The following EPHA5 variants were observed in gnomAD, a reference collection of about 807,000 sequenced individuals.
EPHA5 encodes the protein ephrin type-A receptor 5.
A neutral mutation model predicts 105.0 loss-of-function variants in EPHA5; 60 were observed. The ratio of observed to expected loss-of-function variants is 0.57; its 90% confidence interval spans 0.46 to 0.71. The LOEUF (loss-of-function observed/expected upper bound fraction) is 0.71. EPHA5 is among the 30% of genes least tolerant of loss of function. The pLI is 0.00. For missense variants in EPHA5, 1,218 were observed against 1,274.7 expected (o/e 0.96, Z 0.68); for synonymous variants, 513 against 449.1 (o/e 1.14, Z -1.80).
At chr4:65,496,363 A>G (rs1412663867) in intron 3 of EPHA5, among the ~76,000 whole-genome samples, 6 of 141,974 alleles carry the variant, frequency 4.2e-5, no homozygotes, top group Admixed American at 7.0e-5. Context: ...ATATCTCCCA[A>G]TGCTATCCCT....
intron 3 of EPHA5, among the ~76,000 whole-genome samples, chr4:65,516,997 A>G (rs983672946): frequency 6.6e-6 from 1 of 152,136 alleles, no homozygotes; most frequent in African/African-American, 2.4e-5. Context: ...GGCTTATAAT[A>G]TTGCTCAGAT....
At chr4:65,527,047 C>G (rs2149292810) in intron 3 of EPHA5, among the ~76,000 whole-genome samples, 1 of 152,004 alleles carries the variant, frequency 6.6e-6, no homozygotes, top group East Asian at 1.9e-4. Flanking sequence ...ATTCATATTG[C>G]CCAGTGTTTG....
intron 5 of EPHA5, among the ~76,000 whole-genome samples, chr4:65,435,891 A>G (rs1465795029): frequency 6.6e-6 from 1 of 152,106 alleles, no homozygotes; most frequent in Non-Finnish European, 1.5e-5. Context: ...CTCCAATTAA[A>G]TACCTGCATT....
At chr4:65,385,323 A>G (rs1719977441) in intron 8 of EPHA5, among the ~76,000 whole-genome samples, 1 of 151,932 alleles carries the variant, frequency 6.6e-6, no homozygotes, top group Non-Finnish European at 1.5e-5. Flanking sequence ...CACATCTATC[A>G]GCATGAAACT....
chr4:65,455,326 C>T (rs964094236), intron 5 of EPHA5, among the ~76,000 whole-genome samples: 1 of 152,046 alleles, frequency 6.6e-6, no homozygotes, highest in Admixed American at 6.6e-5. Flanking sequence ...AGTGGGAAAT[C>T]ACCTAAATTT....
chr4:65,573,428 A>T (rs866676741), intron 3 of EPHA5: 10 of 1,026,518 alleles, frequency 9.7e-6, no homozygotes, highest in Middle Eastern at 2.6e-4. Context: ...AAAAAAAAAA[A>T]AAAAAAAGAA....
At position 65,670,359 on chromosome 4, in the gene EPHA5, C is replaced by G. The variant is rs1296877288; in HGVS notation, c.-617G>C. The G allele has an allele frequency of 8.6e-6, 2 of 233,594 alleles. No homozygotes were observed. The highest frequency in any genetic ancestry group is 1.1e-4 in the Admixed American group (2 of 17,778). 14.5% of individuals were successfully genotyped at this position (233,594 alleles called of 1,614,324 possible). ...AGGGGAGGGACTGACGGCTGCCGGCCGGTAGGAGCGCGGAGCTGCGCTGCG... is the reference window on the plus strand; with the variant it reads ...AGGGGAGGGACTGACGGCTGCCGGCGGGTAGGAGCGCGGAGCTGCGCTGCG... On this transcript the variant is annotated 5_prime_UTR_variant, in exon 1 of 17. Transcript: ENST00000613740.
chr4:65,560,760 A>C (rs1350215255), intron 3 of EPHA5, among the ~76,000 whole-genome samples: 1 of 152,134 alleles, frequency 6.6e-6, no homozygotes, highest in African/African-American at 2.4e-5. Flanking sequence ...AGTATTCTAG[A>C]CATAATTCCT....
intron 3 of EPHA5, among the ~76,000 whole-genome samples, chr4:65,592,504 T>TAA (rs201711824): frequency 4.8e-5 from 7 of 145,198 alleles, no homozygotes; most frequent in African/African-American, 1.8e-4. Flanking sequence ...GACTCCGAGT[T>TAA]AAAAAAAAAC....
At chr4:65,637,009 A>T (rs1334832964) in intron 2 of EPHA5, among the ~76,000 whole-genome samples, 1 of 152,072 alleles carries the variant, frequency 6.6e-6, no homozygotes, top group African/African-American at 2.4e-5. Context: ...ACTGCTAGAT[A>T]TGTCCAGAAG....
intron 3 of EPHA5, among the ~76,000 whole-genome samples, chr4:65,566,637 C>T (rs190472065): frequency 5.3e-5 from 8 of 151,806 alleles, no homozygotes; most frequent in Middle Eastern, 6.8e-3. Flanking sequence ...AGGCACTGAG[C>T]GTATGAGCTT....
At chr4:65,652,289 A>G (rs957183388) in intron 1 of EPHA5, among the ~76,000 whole-genome samples, 5 of 152,180 alleles carry the variant, frequency 3.3e-5, no homozygotes, top group African/African-American at 7.2e-5. Context: ...CATTAGTTCT[A>G]TGGTTCCAGT....
In EPHA5 at chr4:65,495,491, T is replaced by G; in HGVS notation, c.963A>C (p.Lys321Asn). The change falls in exon 4 of 17, where the codon AAA (lysine) becomes AAC (asparagine). Residue 321 changes from lysine to asparagine, a missense_variant. By Grantham distance (94) the Lys-to-Asn change is moderately conservative. This residue lies in a region of EPHA5 where 971 missense variants were observed against 1,013.5 expected (regional missense o/e 0.96). Transcript: ENST00000613740. ...CATGGGTATAACTGTGAGGTGGACATTTGCCGCAGCTCTGGATGTGAGGTG... is the reference window on the plus strand; with the variant it reads ...CATGGGTATAACTGTGAGGTGGACAGTTGCCGCAGCTCTGGATGTGAGGTG... ...KASPHIQSCG[K>N]CPPHSYTHEE... The G allele has an allele frequency of 6.2e-7, 1 of 1,613,868 alleles. No individual in the cohort carries two copies. Among genetic ancestry groups the G allele is most frequent in the Admixed American group, 1.7e-5 (1 of 59,994 alleles).
intron 3 of EPHA5, among the ~76,000 whole-genome samples, chr4:65,495,910 A>AATATT (rs1731886296): frequency 6.6e-6 from 1 of 152,178 alleles, no homozygotes; most frequent in African/African-American, 2.4e-5. Flanking sequence ...TGAAGAAATA[A>AATATT]ATATTATTCC....
At chr4:65,453,888 T>A (rs1392894710) in intron 5 of EPHA5, among the ~76,000 whole-genome samples, 3 of 152,160 alleles carry the variant, frequency 2.0e-5, no homozygotes, top group Non-Finnish European at 4.4e-5. Flanking sequence ...CTTGCCTAGG[T>A]CTCTCCTTCT....
chr4:65,479,235 C>T (rs1274626399), intron 5 of EPHA5, among the ~76,000 whole-genome samples: 1 of 152,080 alleles, frequency 6.6e-6, no homozygotes, highest in African/African-American at 2.4e-5. Context: ...GTCACAGATA[C>T]CATTTATTTC....
chr4:65,490,818 A>G, intron 4 of EPHA5, 106 bp from the exon 5 acceptor site: 1 of 1,122,152 alleles, frequency 8.9e-7, no homozygotes, highest in Non-Finnish European at 1.3e-6. Flanking sequence ...ATTTGCAATA[A>G]GTCCTTTAAG....
chr4:65,526,174 A>T (rs1735210961), intron 3 of EPHA5, among the ~76,000 whole-genome samples: 1 of 152,042 alleles, frequency 6.6e-6, no homozygotes, highest in African/African-American at 2.4e-5. Flanking sequence ...TTCTAATAGT[A>T]AAAAGGGTCA....
At chr4:65,434,335 G>A (rs1288323152) in intron 5 of EPHA5, among the ~76,000 whole-genome samples, 1 of 151,940 alleles carries the variant, frequency 6.6e-6, no homozygotes, top group African/African-American at 2.4e-5. Flanking sequence ...TCATTATTCA[G>A]CCTACCACAT....
Sources: gnomAD v4.1 joint callset for allele counts (sites outside exome capture counted in the v4.1 genomes callset) on GRCh38, gnomAD v4.1.1 for gene constraint, gnomAD v4.1.1 regional missense constraint, MANE v1.5 for transcripts, NCBI Gene and HGNC (gene_info 2026-07-23, HGNC 2026-07-21) for gene names.